Variants in GAS7 observed in about 807,000 individuals in gnomAD.
GAS7 encodes the protein growth arrest specific 7.
Under a neutral mutation model 71.1 loss-of-function variants are expected in GAS7, and 28 were observed. The ratio of observed to expected loss-of-function variants is 0.39; its 90% CI spans 0.29 to 0.54. The LOEUF (loss-of-function observed/expected upper bound fraction) is 0.54. GAS7 is among the 20% of genes least tolerant of loss of function. The probability of loss-of-function intolerance (pLI) is 0.62; values close to 1 mark genes in which losing one functional copy is unlikely to be tolerated. For missense variants in GAS7, 436 were observed against 627.8 expected (o/e 0.69, Z 3.27); for synonymous variants, 258 against 245.8 (o/e 1.05, Z -0.46).
At chr17:10,123,930 T>A (rs572045565) in intron 1 of GAS7, among the ~76,000 whole-genome samples, 47 of 152,308 alleles carry the variant, frequency 3.1e-4, no homozygotes, top group Non-Finnish European at 6.3e-4. Context: ...GGCCACACAA[T>A]GCACAAGAGG....
chr17:9,927,295 A>ACG (rs1443346898), intron 9 of GAS7, among the ~76,000 whole-genome samples: 1 of 126,970 alleles, frequency 7.9e-6, no homozygotes, highest in Non-Finnish European at 1.6e-5. Context: ...CTACATACAC[A>ACG]CACACACACA....
intron 2 of GAS7, among the ~76,000 whole-genome samples, chr17:9,988,917 C>T (rs2070740627): frequency 6.8e-6 from 1 of 147,738 alleles, no homozygotes; most frequent in South Asian, 2.1e-4. Context: ...GGCGCGATAT[C>T]AGCTCACTGC....
chr17:9,962,267 C>CACACACGT (rs1555605517), intron 4 of GAS7, among the ~76,000 whole-genome samples: 22 of 142,634 alleles, frequency 1.5e-4, no homozygotes, highest in African/African-American at 6.3e-4. Flanking sequence ...CACACACACA[C>CACACACGT]GTGACACACA....
intron 2 of GAS7, among the ~76,000 whole-genome samples, chr17:10,014,493 C>G (rs570752965): frequency 6.6e-6 from 1 of 152,306 alleles, no homozygotes; most frequent in East Asian, 1.9e-4. Context: ...TGCCCCAAGG[C>G]CCCTGACTCT....
intron 1 of GAS7, among the ~76,000 whole-genome samples, chr17:10,162,380 A>C (rs2904902): frequency 0.33 from 50,845 of 151,916 alleles, 9,083 homozygotes; most frequent in East Asian, 0.5. Context: ...CCACTCCTGG[A>C]TGTTACTTCC....
intron 1 of GAS7, among the ~76,000 whole-genome samples, chr17:10,116,831 A>G (rs1308801222): frequency 6.6e-6 from 1 of 152,134 alleles, no homozygotes; most frequent in East Asian, 1.9e-4. Context: ...TACACAACCC[A>G]CAACAAGCCA....
intron 1 of GAS7, among the ~76,000 whole-genome samples, chr17:10,106,815 C>T (rs1270211715): frequency 1.3e-5 from 2 of 152,070 alleles, no homozygotes; most frequent in Non-Finnish European, 2.9e-5. Flanking sequence ...TCTTAATCAC[C>T]AGAACCTGTG....
intron 2 of GAS7, among the ~76,000 whole-genome samples, chr17:9,984,107 AT>A (rs2070543266): frequency 6.6e-6 from 1 of 152,238 alleles, no homozygotes; most frequent in African/African-American, 2.4e-5. Context: ...AGGATATAAC[AT>A]TATTTAGTTA....
chr17:9,955,981 C>A (rs1243123972), intron 5 of GAS7, among the ~76,000 whole-genome samples: 2 of 152,246 alleles, frequency 1.3e-5, no homozygotes, highest in African/African-American at 4.8e-5. Context: ...ACATGGGCTG[C>A]CTCCCAGAAG....
intron 11 of GAS7, among the ~76,000 whole-genome samples, chr17:9,922,528 T>C (rs1337007845): frequency 6.6e-6 from 1 of 152,246 alleles, no homozygotes; most frequent in Non-Finnish European, 1.5e-5. Flanking sequence ...CTCTAAAGCA[T>C]GGAGGCTGGC....
chr17:10,008,014 G>T (rs557059554), intron 2 of GAS7, among the ~76,000 whole-genome samples: 1 of 152,112 alleles, frequency 6.6e-6, no homozygotes, highest in Admixed American at 6.6e-5. Context: ...TTGACTTACT[G>T]TGATGTTTTC....
rs908900866 is a variant in GAS7 at position 9,911,175 on chromosome 17, C to G, written c.*6053G>C. ...ACAGCTGCCTGGAACCCACGACTCC[C>G]GAGAGCCCGTCTGCTGCAGGTGATG... On this transcript the variant is annotated 3_prime_UTR_variant, in exon 14 of 14. Coordinates refer to ENST00000432992, the MANE Select transcript of GAS7 (RefSeq NM_201433.2). This position sits in a 1 kb window ranked among gnomAD's most constrained non-coding sequence, Gnocchi z 4.0. 2 of 233,168 alleles carry G rather than the reference C, an allele frequency of 8.6e-6. No homozygotes were observed. The highest frequency in any genetic ancestry group is 4.4e-5 in the African/African-American group (2 of 45,314). 14.4% of individuals were successfully genotyped at this position (233,168 alleles called of 1,614,324 possible). A position where few individuals can be genotyped will look rare whatever the true frequency, so the allele number is the denominator to read the frequency against.
At chr17:10,149,950 G>C (rs567803515) in intron 1 of GAS7, among the ~76,000 whole-genome samples, 1 of 152,264 alleles carries the variant, frequency 6.6e-6, no homozygotes, top group East Asian at 1.9e-4. Context: ...TAGGGGTAAG[G>C]AGATGGGGTG....
intron 12 of GAS7, 79 bp from the exon 13 acceptor site, chr17:9,918,178 C>G: frequency 2.1e-6 from 2 of 939,782 alleles, no homozygotes; most frequent in Non-Finnish European, 3.4e-6. Flanking sequence ...CCACAAAACG[C>G]AAGTCACTGG....
chr17:10,091,447 G>A (rs1273328153), intron 1 of GAS7, among the ~76,000 whole-genome samples: 1 of 152,144 alleles, frequency 6.6e-6, no homozygotes, highest in African/African-American at 2.4e-5. Flanking sequence ...GAGCACGGTG[G>A]TGGGATCTCA....
chr17:9,954,122 G>C (rs907993369), intron 5 of GAS7, among the ~76,000 whole-genome samples: 3 of 152,176 alleles, frequency 2.0e-5, no homozygotes, highest in African/African-American at 7.2e-5. Context: ...TGCAGGAAGG[G>C]AAAGGACTCA....
intron 1 of GAS7, among the ~76,000 whole-genome samples, chr17:10,182,899 A>C (rs541001136): frequency 1.3e-5 from 2 of 152,178 alleles, no homozygotes; most frequent in Non-Finnish European, 2.9e-5. Context: ...CAGTCTCCTG[A>C]GTTTCACCTC....
chr17:10,115,037 GGC>G (rs2073847751), intron 1 of GAS7, among the ~76,000 whole-genome samples: 5 of 151,672 alleles, frequency 3.3e-5, no homozygotes, highest in Admixed American at 2.0e-4. Flanking sequence ...CTGTCTGTCT[GGC>G]TGGCTGGCTG....
At chr17:9,930,704 A>G (rs886746884) in intron 9 of GAS7, among the ~76,000 whole-genome samples, 3 of 152,216 alleles carry the variant, frequency 2.0e-5, no homozygotes, top group Non-Finnish European at 2.9e-5. Context: ...TTCAGAGCAG[A>G]ATTTCAATAA....
Sources: allele counts gnomAD v4.1 joint callset (sites outside exome capture counted in the v4.1 genomes callset), GRCh38; gene constraint gnomAD v4.1.1; non-coding constraint Gnocchi (gnomAD v3.1); transcripts MANE v1.5; gene names NCBI Gene and HGNC (gene_info 2026-07-23, HGNC 2026-07-21).